The following FERMT2 variants were observed in gnomAD, a reference collection of about 807,000 sequenced individuals.
FERMT2 encodes fermitin family homolog 2.
FERMT2 carries 15 observed loss-of-function variants against 82.7 expected under a neutral mutation model. The ratio of observed to expected loss-of-function variants is 0.18; its 90% CI spans 0.12 to 0.28. FERMT2 has a LOEUF of 0.28. Ranked by LOEUF, FERMT2 falls within the 10% of genes least tolerant of loss-of-function variation. FERMT2 has a pLI of 1.00. For synonymous variants in FERMT2, 274 were observed against 271.5 expected (o/e 1.01, Z -0.09); for missense variants, 645 against 809.4 (o/e 0.80, Z 2.46).
intron 3 of FERMT2, among the ~76,000 whole-genome samples, chr14:52,901,280 CAAA>C (rs10638877): frequency 5.4e-4 from 31 of 57,254 alleles, no homozygotes; most frequent in African/African-American, 2.3e-3. Context: ...GACTCTGTCT[CAAA>C]AAAAAAAAAA....
chr14:52,913,262 T>A (rs1888426542), intron 3 of FERMT2, among the ~76,000 whole-genome samples: 1 of 152,202 alleles, frequency 6.6e-6, no homozygotes, highest in South Asian at 2.1e-4. Flanking sequence ...CTACATAGTA[T>A]CTTTTTGTAA....
At chr14:52,866,923 C>G (rs1179394150) in intron 10 of FERMT2, among the ~76,000 whole-genome samples, 1 of 152,120 alleles carries the variant, frequency 6.6e-6, no homozygotes, top group Non-Finnish European at 1.5e-5. Context: ...AACCCTGCTC[C>G]ACCACTGAGA....
chr14:52,938,575 GT>G (rs769550743), intron 2 of FERMT2, among the ~76,000 whole-genome samples: 3 of 151,330 alleles, frequency 2.0e-5, no homozygotes, highest in Non-Finnish European at 2.9e-5. Context: ...AGTTCACTTA[GT>G]TTTTTTTTGA....
intron 3 of FERMT2, among the ~76,000 whole-genome samples, chr14:52,906,173 G>T (rs1566742522): frequency 6.6e-6 from 1 of 152,168 alleles, no homozygotes; most frequent in African/African-American, 2.4e-5. Context: ...AAGGTGGCTA[G>T]AATGTGTGGG....
chr14:52,900,548 G>T (rs1280711099), intron 3 of FERMT2, among the ~76,000 whole-genome samples: 1 of 152,050 alleles, frequency 6.6e-6, no homozygotes, highest in Non-Finnish European at 1.5e-5. Context: ...CCCCAAAATG[G>T]AAGAAAATAT....
Position 52,864,597 on chromosome 14 carries a change from G to A in FERMT2, c.1406C>T (p.Ala469Val). Residue 469 changes from alanine (A) to valine (V), a missense_variant, in exon 12 of 15, where the codon GCA becomes GTA. Physicochemically the swap from Ala to Val is moderately conservative, Grantham distance 64. Coordinates refer to ENST00000341590, the MANE Select transcript of FERMT2 (RefSeq NM_006832.3). ...GCCTTTGGAGGCTAATCTGCAGGCT[G>A]CCATCCAGTGTGCATACTGTTTTTC... is the stretch of plus-strand genomic sequence containing the variant. ...DNEKQYAHWM[A>V]ACRLASKGKT... 6.2e-7 allele frequency: 1 copy of A among 1,614,092 alleles called. No individual in the cohort carries two copies. The highest frequency in any genetic ancestry group is 8.5e-7 in the Non-Finnish European group (1 of 1,179,960).
chr14:52,904,334 T>C (rs1887856237), intron 3 of FERMT2, among the ~76,000 whole-genome samples: 2 of 152,234 alleles, frequency 1.3e-5, no homozygotes, highest in South Asian at 4.1e-4. Flanking sequence ...CTGGCCAACG[T>C]GGTGAAACCA....
At chr14:52,930,979 T>C (rs1889540424) in intron 2 of FERMT2, among the ~76,000 whole-genome samples, 1 of 152,192 alleles carries the variant, frequency 6.6e-6, no homozygotes, top group Non-Finnish European at 1.5e-5. Context: ...TCTCTTTCGA[T>C]TTTAGAGTTG....
chr14:52,923,672 T>C (rs1889091851), intron 2 of FERMT2, among the ~76,000 whole-genome samples: 1 of 151,470 alleles, frequency 6.6e-6, no homozygotes, highest in South Asian at 2.1e-4. Context: ...GATTACATAC[T>C]GGACATCCTA....
chr14:52,944,516 T>C (rs916862385), intron 2 of FERMT2, among the ~76,000 whole-genome samples: 4 of 152,242 alleles, frequency 2.6e-5, no homozygotes, highest in Non-Finnish European at 5.9e-5. Context: ...AGTGTGCATC[T>C]TGCCAAGCTC....
At chr14:52,930,591 G>T (rs1889519710) in intron 2 of FERMT2, among the ~76,000 whole-genome samples, 1 of 152,172 alleles carries the variant, frequency 6.6e-6, no homozygotes, top group African/African-American at 2.4e-5. Context: ...ATATCAAATT[G>T]TAGGGCACCT....
chr14:52,873,726 G>A (rs1380980921), intron 9 of FERMT2: 1 of 153,098 alleles, frequency 6.5e-6, no homozygotes, highest in Non-Finnish European at 1.5e-5. Flanking sequence ...GAATATAGCT[G>A]GATAGAGTGT....
chr14:52,945,886 A>T (rs544504718), intron 2 of FERMT2, among the ~76,000 whole-genome samples: 1 of 152,206 alleles, frequency 6.6e-6, no homozygotes, highest in South Asian at 2.1e-4. Context: ...ACTAAAACTC[A>T]GTGAACAGAT....
At chr14:52,916,478 CAT>C (rs1368376317) in intron 3 of FERMT2, among the ~76,000 whole-genome samples, 3 of 151,936 alleles carry the variant, frequency 2.0e-5, no homozygotes, top group Non-Finnish European at 2.9e-5. Context: ...TGAGTCCAAA[CAT>C]ATGATATTCT....
At chr14:52,947,685 G>A (rs143779380) in intron 2 of FERMT2, among the ~76,000 whole-genome samples, 2 of 152,204 alleles carry the variant, frequency 1.3e-5, no homozygotes, top group East Asian at 3.9e-4. Context: ...TTAAAATGCC[G>A]CACTCTGGGA....
At chr14:52,898,304 T>C (rs1887418439) in intron 3 of FERMT2, among the ~76,000 whole-genome samples, 1 of 152,186 alleles carries the variant, frequency 6.6e-6, no homozygotes, top group Non-Finnish European at 1.5e-5. Context: ...AAAAACATAC[T>C]ACAGCATTTT....
intron 2 of FERMT2, among the ~76,000 whole-genome samples, chr14:52,942,941 G>C (rs1334855193): frequency 6.6e-6 from 1 of 152,172 alleles, no homozygotes; most frequent in African/African-American, 2.4e-5. Context: ...GGCCAGGCGT[G>C]GTGGCTGATG....
chr14:52,934,832 C>A (rs1889762173), intron 2 of FERMT2, among the ~76,000 whole-genome samples: 1 of 152,124 alleles, frequency 6.6e-6, no homozygotes, highest in African/African-American at 2.4e-5. Flanking sequence ...TTCAATTATC[C>A]ATTTTTTTAA....
intron 2 of FERMT2, among the ~76,000 whole-genome samples, chr14:52,924,016 T>C (rs1335532668): frequency 1.3e-5 from 2 of 152,160 alleles, no homozygotes; most frequent in Non-Finnish European, 2.9e-5. Flanking sequence ...ACTACCAACC[T>C]AGTCAGCACT....
Sources: gnomAD v4.1 joint callset for allele counts (sites outside exome capture counted in the v4.1 genomes callset) on GRCh38, gnomAD v4.1.1 for gene constraint, MANE v1.5 for transcripts, NCBI Gene and HGNC (gene_info 2026-07-23, HGNC 2026-07-21) for gene names.